RABGEF1: variants seen among roughly 807,000 people sequenced by gnomAD.
The protein encoded by RABGEF1 is rab5 GDP/GTP exchange factor.
RABGEF1 carries 26 observed loss-of-function variants against 57.3 expected under a neutral mutation model. That is an observed-to-expected ratio of 0.45 (90% CI 0.33 to 0.63). The LOEUF (loss-of-function observed/expected upper bound fraction) is 0.63. Ranked by LOEUF, RABGEF1 falls within the 20% of genes least tolerant of loss-of-function variation. RABGEF1 has a pLI of 0.02. For synonymous variants in RABGEF1, 185 were observed against 210.7 expected (o/e 0.88, Z 1.06); for missense variants, 464 against 607.6 (o/e 0.76, Z 2.48).
chr7:66,780,299 G>A (rs74838615), intron 3 of RABGEF1, among the ~76,000 whole-genome samples: 4,570 of 152,186 alleles, frequency 0.03, 99 homozygotes, highest in Non-Finnish European at 0.05. Context: ...ACAGACCTGG[G>A]TTCAAATTCC....
chr7:66,795,019 A>AGG (rs1369745961), intron 4 of RABGEF1, among the ~76,000 whole-genome samples: 3 of 152,164 alleles, frequency 2.0e-5, no homozygotes. Context: ...CTAGGTGGGA[A>AGG]GGGGTCCCCG....
the RABGEF1 span, among the ~76,000 whole-genome samples, chr7:66,660,421 G>A: frequency 1.3e-5 from 2 of 150,954 alleles, no homozygotes; most frequent in African/African-American, 4.9e-5. Context: ...GTGATTATAA[G>A]ATAATACCAC....
At chr7:66,658,151 T>G in the RABGEF1 span, among the ~76,000 whole-genome samples, 2 of 152,134 alleles carry the variant, frequency 1.3e-5, no homozygotes, top group Non-Finnish European at 2.9e-5. Flanking sequence ...TATAAACATA[T>G]GTACACCAGC....
chr7:66,684,440 C>T lies in RABGEF1; in HGVS notation c.-873+2182C>T, dbSNP rs557068239. Among the ~76,000 whole-genome samples, 22 of 152,054 alleles carry T rather than the reference C, an allele frequency of 1.4e-4. 1 individual carries two copies. The South Asian group carries it at 4.6e-3, about 32-fold the overall frequency. The stretch of plus-strand genomic sequence containing the variant: ...CCTGGGCAACAGTGCAAGACTTCGT[C>T]TCAAACAAAACAAAACAAAACAAAA... On this transcript the variant is annotated intron_variant and NMD_transcript_variant, in intron 1 of 9. Transcript: ENST00000607882.
At chr7:66,753,202 ATAGGAT>A (rs1269303483) in intron 1 of RABGEF1, among the ~76,000 whole-genome samples, 3 of 152,178 alleles carry the variant, frequency 2.0e-5, no homozygotes, top group Non-Finnish European at 4.4e-5. Context: ...GGGTTCATAA[ATAGGAT>A]GACCATGTAA....
Position 66,799,360 on chromosome 7 carries a change from CCT to C in RABGEF1, c.767_768del (p.Pro256ArgfsTer2). The C allele has an allele frequency of 6.2e-7, 1 of 1,612,522 alleles. No homozygotes were observed. ...GGTTACGCCTCAGATGCTGTGTGTC[CCT>C]GTTAATGAAGACATCCCAGAAGTGT... ...RWVTPQMLCV[P>X]VNEDIPEVSD... On this transcript the variant is annotated frameshift_variant, in exon 7 of 9. Coordinates refer to ENST00000284957, the MANE Select transcript of RABGEF1 (RefSeq NM_014504.3). LOFTEE classifies it high-confidence loss of function.
At chr7:66,747,171 T>G (rs1484068494) in intron 1 of RABGEF1, among the ~76,000 whole-genome samples, 1 of 152,192 alleles carries the variant, frequency 6.6e-6, no homozygotes. Context: ...ATACCATTAT[T>G]ATGATCAATT....
At chr7:66,699,598 A>G (rs1045965163) in intron 1 of RABGEF1, among the ~76,000 whole-genome samples, 1 of 152,002 alleles carries the variant, frequency 6.6e-6, no homozygotes, top group Middle Eastern at 3.2e-3. Context: ...AGGCTGAGGC[A>G]GAAGAATCAC....
At chr7:66,674,998 C>T in the RABGEF1 span, among the ~76,000 whole-genome samples, 2 of 151,900 alleles carry the variant, frequency 1.3e-5, no homozygotes, top group Non-Finnish European at 2.9e-5. Flanking sequence ...TTTTCCATTA[C>T]ACTTACATAT....
chr7:66,695,884 T>TA (rs1792248124), intron 1 of RABGEF1, among the ~76,000 whole-genome samples: 1 of 151,768 alleles, frequency 6.6e-6, no homozygotes, highest in South Asian at 2.1e-4. Flanking sequence ...GAGTATCACT[T>TA]ACATCTGGGA....
chr7:66,792,500 G>A (rs373155119), intron 4 of RABGEF1, among the ~76,000 whole-genome samples: 1 of 152,178 alleles, frequency 6.6e-6, no homozygotes, highest in South Asian at 2.1e-4. Context: ...GAGAAGACCA[G>A]GGAAAGCCTG....
chr7:66,759,691 G>GA (rs1426285848), intron 1 of RABGEF1, among the ~76,000 whole-genome samples: 1 of 152,194 alleles, frequency 6.6e-6, no homozygotes, highest in Non-Finnish European at 1.5e-5. Flanking sequence ...GCAGGAGCAA[G>GA]AGAGAAGGTG....
chr7:66,724,421 G>A (rs1236709404), intron 2 of RABGEF1, among the ~76,000 whole-genome samples: 3 of 151,668 alleles, frequency 2.0e-5, no homozygotes, highest in African/African-American at 7.3e-5. Context: ...GTGCAGTGGC[G>A]CGATCTCGGC....
chr7:66,762,055 A>G (rs551976961), intron 1 of RABGEF1, among the ~76,000 whole-genome samples: 1 of 151,220 alleles, frequency 6.6e-6, no homozygotes, highest in Non-Finnish European at 1.5e-5. Context: ...CCCTGTCTCA[A>G]AAAAAAACAA....
At chr7:66,688,384 G>T (rs997384175) in intron 1 of RABGEF1, among the ~76,000 whole-genome samples, 2 of 152,148 alleles carry the variant, frequency 1.3e-5, no homozygotes, top group Non-Finnish European at 2.9e-5. Flanking sequence ...AGGAAAGAGA[G>T]CACTTGAACA....
At chr7:66,803,158 A>T (rs1787673990) in intron 7 of RABGEF1, among the ~76,000 whole-genome samples, 2 of 152,238 alleles carry the variant, frequency 1.3e-5, no homozygotes, top group African/African-American at 2.4e-5. Flanking sequence ...AGCAAAAATT[A>T]TGTAATTCAC....
chr7:66,734,998 A>G (rs1285854227), intron 2 of RABGEF1, among the ~76,000 whole-genome samples: 3 of 152,298 alleles, frequency 2.0e-5, no homozygotes, highest in Admixed American at 6.5e-5. Context: ...AGTTTCAGGA[A>G]CGTTAAGGAA....
upstream of RABGEF1, chr7:66,682,057 GC>G: frequency 6.0e-6 from 1 of 166,972 alleles, no homozygotes. Flanking sequence ...TCAGCCAAAG[GC>G]CCCGGAAGTG....
chr7:66,737,053 A>AGG (rs745696195), upstream of RABGEF1, among the ~76,000 whole-genome samples: 3 of 124,118 alleles, frequency 2.4e-5, no homozygotes, highest in African/African-American at 8.6e-5. Context: ...ATGAGGGGGG[A>AGG]GAGAGAGAGA....
Sources: gnomAD v4.1 joint callset for allele counts (sites outside exome capture counted in the v4.1 genomes callset) on GRCh38, gnomAD v4.1.1 for gene constraint, MANE v1.5 for transcripts, NCBI Gene and HGNC (gene_info 2026-07-23, HGNC 2026-07-21) for gene names.